IMMP2L: variants seen among roughly 807,000 people sequenced by gnomAD.
The protein encoded by IMMP2L is mitochondrial inner membrane protease subunit 2.
In IMMP2L, 18 loss-of-function variants were observed where a neutral mutation model predicts 19.3. The observed-to-expected ratio is 0.93, with a 90% CI of 0.64 to 1.38. IMMP2L has a LOEUF of 1.38. Among genes scored for constraint, IMMP2L ranks in the 40% most tolerant of loss-of-function variants. The pLI, the probability that IMMP2L is intolerant of heterozygous loss-of-function variation, is 0.00. For missense variants in IMMP2L, 233 were observed against 218.2 expected (o/e 1.07, Z -0.43); for synonymous variants, 76 against 73.0 (o/e 1.04, Z -0.21).
chr7:111,234,087 T>C (rs1814022810), intron 3 of IMMP2L, among the ~76,000 whole-genome samples: 1 of 152,130 alleles, frequency 6.6e-6, no homozygotes, highest in South Asian at 2.1e-4. Flanking sequence ...AGTATTGTTT[T>C]AGCTACATCC....
intron 3 of IMMP2L, among the ~76,000 whole-genome samples, chr7:111,019,607 C>T (rs1826070177): frequency 6.6e-6 from 1 of 152,156 alleles, no homozygotes; most frequent in Admixed American, 6.5e-5. Flanking sequence ...TTCTGTCTTC[C>T]TTTGAAAATG....
intron 3 of IMMP2L, among the ~76,000 whole-genome samples, chr7:111,051,872 C>A (rs190929912): frequency 7.5e-4 from 114 of 152,296 alleles, no homozygotes; most frequent in Middle Eastern, 3.4e-3. Flanking sequence ...TTTTAAGCCT[C>A]CAACTGACTC....
intron 3 of IMMP2L, among the ~76,000 whole-genome samples, chr7:111,339,482 A>G (rs1007359676): frequency 6.6e-6 from 1 of 152,004 alleles, no homozygotes; most frequent in Admixed American, 6.6e-5. Context: ...CCTTGACATT[A>G]GCTCTAGGAA....
At chr7:111,243,534 A>C (rs1165986932) in intron 3 of IMMP2L, among the ~76,000 whole-genome samples, 1 of 128,458 alleles carries the variant, frequency 7.8e-6, no homozygotes, top group Non-Finnish European at 1.6e-5. Flanking sequence ...TTTTTATTAT[A>C]CTCTAAGTTT....
At chr7:111,549,537 A>G (rs1356429109) in intron 1 of IMMP2L, among the ~76,000 whole-genome samples, 4 of 152,178 alleles carry the variant, frequency 2.6e-5, no homozygotes, top group African/African-American at 9.7e-5. Flanking sequence ...GAATGTTTAG[A>G]GTATTAGCAT....
intron 3 of IMMP2L, among the ~76,000 whole-genome samples, chr7:111,391,327 C>T (rs1319191308): frequency 6.6e-6 from 1 of 152,096 alleles, no homozygotes; most frequent in Non-Finnish European, 1.5e-5. Context: ...TTCTTCCCAC[C>T]CCTGAGCTTC....
intron 3 of IMMP2L, among the ~76,000 whole-genome samples, chr7:111,321,548 G>C (rs914152863): frequency 6.6e-6 from 1 of 151,492 alleles, no homozygotes; most frequent in Non-Finnish European, 1.5e-5. Flanking sequence ...ATTTATCTTT[G>C]AGGTTGAGAT....
intron 3 of IMMP2L, among the ~76,000 whole-genome samples, chr7:111,446,299 A>G (rs921886614): frequency 3.4e-5 from 5 of 148,760 alleles, no homozygotes; most frequent in East Asian, 1.9e-4. Flanking sequence ...GCAGACTTAA[A>G]TGTCCCTGTC....
chr7:111,235,130 T>G (rs1484549903), intron 3 of IMMP2L, among the ~76,000 whole-genome samples: 1 of 152,058 alleles, frequency 6.6e-6, no homozygotes, highest in Non-Finnish European at 1.5e-5. Flanking sequence ...TCTAAACAAG[T>G]TTTTATTTCA....
At chr7:111,533,773 C>T (rs1049289371) in intron 1 of IMMP2L, among the ~76,000 whole-genome samples, 1 of 151,922 alleles carries the variant, frequency 6.6e-6, no homozygotes, top group Non-Finnish European at 1.5e-5. Flanking sequence ...ATAAAGGCAA[C>T]AGTCTTTTAA....
intron 3 of IMMP2L, among the ~76,000 whole-genome samples, chr7:111,194,431 C>G (rs1392967103): frequency 6.6e-6 from 1 of 152,120 alleles, no homozygotes; most frequent in East Asian, 1.9e-4. Flanking sequence ...CCAGCAGAAT[C>G]CACCCCTCCT....
intron 4 of IMMP2L, among the ~76,000 whole-genome samples, chr7:110,901,966 C>T (rs1811914890): frequency 6.6e-6 from 1 of 151,988 alleles, no homozygotes. Flanking sequence ...GACTGATTTG[C>T]ATCAAAGCTA....
At chr7:111,365,199 A>C (rs547520283) in intron 3 of IMMP2L, among the ~76,000 whole-genome samples, 2 of 152,200 alleles carry the variant, frequency 1.3e-5, no homozygotes, top group Admixed American at 6.6e-5. Flanking sequence ...GCACAATCCT[A>C]TATCTCCTTA....
intron 4 of IMMP2L, among the ~76,000 whole-genome samples, chr7:110,953,539 G>C (rs1020515991): frequency 2.6e-5 from 4 of 152,174 alleles, no homozygotes; most frequent in South Asian, 2.1e-4. Context: ...TGGTGTATAT[G>C]TGCCACATTT....
intron 3 of IMMP2L, among the ~76,000 whole-genome samples, chr7:111,143,355 C>T (rs1803141108): frequency 6.6e-6 from 1 of 152,088 alleles, no homozygotes; most frequent in Non-Finnish European, 1.5e-5. Flanking sequence ...GCGAGGTAAA[C>T]ACTCATGACA....
At chr7:110,914,014 T>C (rs189724204) in intron 4 of IMMP2L, among the ~76,000 whole-genome samples, 12 of 152,264 alleles carry the variant, frequency 7.9e-5, no homozygotes, top group African/African-American at 2.2e-4. Flanking sequence ...ATTATCATTG[T>C]TTTGGCCCTC....
At chr7:110,943,954 AG>A (rs1816984572) in intron 4 of IMMP2L, among the ~76,000 whole-genome samples, 1 of 151,938 alleles carries the variant, frequency 6.6e-6, no homozygotes, top group African/African-American at 2.4e-5. Flanking sequence ...CAAATTAGAG[AG>A]TTTACATTTT....
intron 1 of IMMP2L, among the ~76,000 whole-genome samples, chr7:111,529,365 C>A (rs563134902): frequency 1.1e-4 from 16 of 152,250 alleles, no homozygotes; most frequent in African/African-American, 3.6e-4. Context: ...GGAAGCAGAT[C>A]CTGGCAAGTA....
At chr7:111,439,984 A>T (rs1482056661) in intron 3 of IMMP2L, among the ~76,000 whole-genome samples, 1 of 151,922 alleles carries the variant, frequency 6.6e-6, no homozygotes, top group Non-Finnish European at 1.5e-5. Context: ...TTGCTGATCC[A>T]TAAGAAGCAC....
Sources: gnomAD v4.1 joint callset for allele counts (sites outside exome capture counted in the v4.1 genomes callset) on GRCh38, gnomAD v4.1.1 for gene constraint, MANE v1.5 for transcripts, NCBI Gene and HGNC (gene_info 2026-07-23, HGNC 2026-07-21) for gene names.